CSMD1: variants seen among roughly 807,000 people sequenced by gnomAD.
The protein encoded by CSMD1 is CUB and sushi domain-containing protein 1.
In CSMD1, 213 loss-of-function variants were observed where a neutral mutation model predicts 417.5. That is an observed-to-expected ratio of 0.51 (90% CI 0.46 to 0.57). The LOEUF (loss-of-function observed/expected upper bound fraction) is 0.57, where lower values mean the gene tolerates loss of function less well. Ranked by LOEUF, CSMD1 falls within the 20% of genes least tolerant of loss-of-function variation. The pLI is 0.00. For synonymous variants in CSMD1, 2,862 were observed against 1,736.8 expected (o/e 1.65, Z -16.11); for missense variants, 6,923 against 4,529.7 (o/e 1.53, Z -15.17).
chr8:4,793,674 G>T (rs549255696), intron 1 of CSMD1, among the ~76,000 whole-genome samples: 2 of 152,142 alleles, frequency 1.3e-5, no homozygotes, highest in African/African-American at 4.8e-5. Flanking sequence ...CCTCTGCTCA[G>T]GAGAAGAAAG....
chr8:2,992,404 G>C (rs145791655), intron 54 of CSMD1, among the ~76,000 whole-genome samples: 1 of 151,954 alleles, frequency 6.6e-6, no homozygotes, highest in Non-Finnish European at 1.5e-5. Context: ...TAACTAGGTC[G>C]AGTTTTGATT....
intron 1 of CSMD1, among the ~76,000 whole-genome samples, chr8:4,835,880 T>C (rs899308999): frequency 3.9e-5 from 6 of 152,158 alleles, no homozygotes; most frequent in South Asian, 4.2e-4. Flanking sequence ...TTGATTTAAA[T>C]GCTGCCTCTT....
intron 52 of CSMD1, among the ~76,000 whole-genome samples, chr8:3,008,087 C>T (rs1808090405): frequency 6.6e-6 from 1 of 152,100 alleles, no homozygotes; most frequent in Non-Finnish European, 1.5e-5. Context: ...AACATTTGAA[C>T]AAAGCACAGA....
At chr8:4,050,692 T>A (rs1798380033) in intron 3 of CSMD1, among the ~76,000 whole-genome samples, 1 of 152,074 alleles carries the variant, frequency 6.6e-6, no homozygotes, top group African/African-American at 2.4e-5. Flanking sequence ...CCCACTTCCA[T>A]CCAAGCCCCA....
intron 5 of CSMD1, among the ~76,000 whole-genome samples, chr8:3,945,333 A>G (rs1177615640): frequency 2.0e-5 from 3 of 152,144 alleles, no homozygotes; most frequent in South Asian, 2.1e-4. Flanking sequence ...TAAAATTACT[A>G]TGGACATAAT....
chr8:4,183,576 A>T (rs1798497821), intron 3 of CSMD1, among the ~76,000 whole-genome samples: 1 of 152,210 alleles, frequency 6.6e-6, no homozygotes. Flanking sequence ...TAAAATTTGA[A>T]CTTAAGTAAA....
chr8:3,781,452 A>G (rs1192295033), intron 5 of CSMD1, among the ~76,000 whole-genome samples: 1 of 151,918 alleles, frequency 6.6e-6, no homozygotes, highest in Non-Finnish European at 1.5e-5. Context: ...CCTCTCAGAG[A>G]ATACGGGTTA....
At chr8:3,044,548 C>A (rs1811311097) in intron 50 of CSMD1, among the ~76,000 whole-genome samples, 2 of 152,056 alleles carry the variant, frequency 1.3e-5, no homozygotes, top group Non-Finnish European at 2.9e-5. Flanking sequence ...TCCGTTAATA[C>A]CAATAGCCCT....
chr8:3,395,768 G>A (rs1410214794), intron 17 of CSMD1, among the ~76,000 whole-genome samples: 1 of 152,108 alleles, frequency 6.6e-6, no homozygotes, highest in African/African-American at 2.4e-5. Flanking sequence ...TCTATACTCA[G>A]ATTCGGTACC....
chr8:3,258,175 G>A (rs1050520096), intron 26 of CSMD1, among the ~76,000 whole-genome samples: 1 of 152,056 alleles, frequency 6.6e-6, no homozygotes, highest in African/African-American at 2.4e-5. Context: ...TAAAGAAAGG[G>A]AGAAAATTTT....
chr8:3,941,720 T>G (rs1053091668), intron 5 of CSMD1, among the ~76,000 whole-genome samples: 1 of 152,188 alleles, frequency 6.6e-6, no homozygotes. Flanking sequence ...ATTTATTTAT[T>G]TTTTAACTAC....
intron 3 of CSMD1, among the ~76,000 whole-genome samples, chr8:4,320,880 C>A (rs911640804): frequency 1.3e-5 from 2 of 152,126 alleles, no homozygotes; most frequent in Admixed American, 6.5e-5. Context: ...CACAAACACA[C>A]TTATGTTTGT....
intron 3 of CSMD1, among the ~76,000 whole-genome samples, chr8:4,352,818 G>T (rs1264577015): frequency 2.0e-5 from 3 of 152,120 alleles, no homozygotes; most frequent in African/African-American, 7.2e-5. Flanking sequence ...ATTTCAAGAT[G>T]GTTCAAACGA....
At chr8:4,379,302 G>C (rs1362429400) in intron 3 of CSMD1, among the ~76,000 whole-genome samples, 1 of 152,160 alleles carries the variant, frequency 6.6e-6, no homozygotes, top group Non-Finnish European at 1.5e-5. Flanking sequence ...TCAAGGTCAA[G>C]AAAGACAAGG....
intron 3 of CSMD1, among the ~76,000 whole-genome samples, chr8:4,213,784 G>C (rs1800466109): frequency 6.6e-6 from 1 of 152,144 alleles, no homozygotes; most frequent in South Asian, 2.1e-4. Flanking sequence ...CTGTGGTGAG[G>C]GTGGAACGCA....
chr8:3,151,362 A>G, intron 40 of CSMD1, 35 bp downstream of exon 40: 1 of 1,364,118 alleles, frequency 7.3e-7, no homozygotes, highest in Non-Finnish European at 1.0e-6. Flanking sequence ...AATGAAAAAA[A>G]TGAACTTTTA....
At chr8:4,083,206 G>A (rs1464220497) in intron 3 of CSMD1, among the ~76,000 whole-genome samples, 1 of 152,090 alleles carries the variant, frequency 6.6e-6, no homozygotes, top group African/African-American at 2.4e-5. Flanking sequence ...TTCCACAATG[G>A]TTGAACTAGT....
chr8:4,636,168 G>C (rs186570050), intron 2 of CSMD1, among the ~76,000 whole-genome samples: 4 of 151,822 alleles, frequency 2.6e-5, no homozygotes, highest in African/African-American at 9.7e-5. Context: ...TATTACTGTT[G>C]GCATTAACAT....
chr8:4,371,772 C>T (rs1441280261), intron 3 of CSMD1, among the ~76,000 whole-genome samples: 1 of 152,142 alleles, frequency 6.6e-6, no homozygotes, highest in Non-Finnish European at 1.5e-5. Context: ...ACATAATAGA[C>T]AAATATTGTT....
Sources: gnomAD v4.1 joint callset for allele counts (sites outside exome capture counted in the v4.1 genomes callset) on GRCh38, gnomAD v4.1.1 for gene constraint, MANE v1.5 for transcripts, NCBI Gene and HGNC (gene_info 2026-07-23, HGNC 2026-07-21) for gene names.